The following MAGI2 variants were observed in gnomAD, a reference collection of about 807,000 sequenced individuals.
MAGI2 encodes the protein membrane associated guanylate kinase, WW and PDZ domain containing 2.
In MAGI2, 35 loss-of-function variants were observed where a neutral mutation model predicts 133.3. The ratio of observed to expected loss-of-function variants is 0.26; its 90% CI spans 0.20 to 0.35. MAGI2 has a LOEUF of 0.35. Ranked by LOEUF, MAGI2 falls within the 10% of genes least tolerant of loss-of-function variation. The probability of loss-of-function intolerance (pLI) is 1.00; values close to 1 mark genes in which losing one functional copy is unlikely to be tolerated. For missense variants in MAGI2, 1,636 were observed against 1,863.4 expected (o/e 0.88, Z 2.25); for synonymous variants, 729 against 710.6 (o/e 1.03, Z -0.41).
chr7:78,910,806 A>G (rs1457276669), intron 2 of MAGI2, among the ~76,000 whole-genome samples: 2 of 152,216 alleles, frequency 1.3e-5, no homozygotes, highest in Non-Finnish European at 1.5e-5. Context: ...GAAAGGTTCT[A>G]TTCTTGAGCA....
chr7:78,353,529 T>C (rs1275107622), intron 7 of MAGI2, among the ~76,000 whole-genome samples: 1 of 152,222 alleles, frequency 6.6e-6, no homozygotes, highest in Non-Finnish European at 1.5e-5. Flanking sequence ...TTACTCATTC[T>C]AGAAGTGGTC....
chr7:78,730,782 A>G (rs1438879311), intron 2 of MAGI2, among the ~76,000 whole-genome samples: 3 of 152,166 alleles, frequency 2.0e-5, no homozygotes, highest in Non-Finnish European at 4.4e-5. Flanking sequence ...ATATACTTAA[A>G]TATGCAGAAA....
chr7:78,754,819 C>T (rs1336245901), intron 2 of MAGI2, among the ~76,000 whole-genome samples: 2 of 152,206 alleles, frequency 1.3e-5, no homozygotes, highest in Non-Finnish European at 2.9e-5. Flanking sequence ...TCCTTCACCA[C>T]TTGCATCTTA....
At chr7:78,051,000 T>C (rs541052036) in intron 21 of MAGI2, among the ~76,000 whole-genome samples, 1 of 152,364 alleles carries the variant, frequency 6.6e-6, no homozygotes, top group African/African-American at 2.4e-5. Flanking sequence ...GCTAGTGGTC[T>C]CCTGGCAAAG....
At chr7:78,631,579 C>T (rs933547064) in intron 2 of MAGI2, among the ~76,000 whole-genome samples, 12 of 152,110 alleles carry the variant, frequency 7.9e-5, no homozygotes, top group African/African-American at 1.2e-4. Context: ...AAACAGAGAA[C>T]GCCATGGTTC....
chr7:79,149,921 A>G (rs1015979699), intron 1 of MAGI2, among the ~76,000 whole-genome samples: 1 of 152,218 alleles, frequency 6.6e-6, no homozygotes, highest in Admixed American at 6.5e-5. Context: ...AATTCCAGAA[A>G]CATTCTTTTC....
chr7:78,312,501 A>C (rs539309238), intron 9 of MAGI2, among the ~76,000 whole-genome samples: 1 of 152,246 alleles, frequency 6.6e-6, no homozygotes, highest in Non-Finnish European at 1.5e-5. Flanking sequence ...AATATCCAGA[A>C]TCTACAAGGA....
intron 2 of MAGI2, among the ~76,000 whole-genome samples, chr7:78,725,948 T>C (rs1263272203): frequency 6.6e-6 from 1 of 152,200 alleles, no homozygotes; most frequent in Non-Finnish European, 1.5e-5. Flanking sequence ...TAGTATTTTG[T>C]CATTGTCTTT....
chr7:79,037,531 A>G (rs891240481), intron 1 of MAGI2, among the ~76,000 whole-genome samples: 1 of 152,128 alleles, frequency 6.6e-6, no homozygotes, highest in Non-Finnish European at 1.5e-5. Context: ...TTTGGGAAGA[A>G]TTTTATGCTT....
chr7:78,367,012 C>T (rs1413735472), intron 7 of MAGI2, among the ~76,000 whole-genome samples: 1 of 151,760 alleles, frequency 6.6e-6, no homozygotes, highest in African/African-American at 2.4e-5. Flanking sequence ...GAACACATGA[C>T]TGACTACATT....
intron 3 of MAGI2, among the ~76,000 whole-genome samples, chr7:78,603,388 G>A (rs1805421637): frequency 6.6e-6 from 1 of 152,150 alleles, no homozygotes; most frequent in Admixed American, 6.5e-5. Flanking sequence ...CGTTTTCTAG[G>A]CTGGTAGCTC....
intron 10 of MAGI2, among the ~76,000 whole-genome samples, chr7:78,224,244 C>A (rs1332594601): frequency 6.6e-6 from 1 of 152,020 alleles, no homozygotes; most frequent in Non-Finnish European, 1.5e-5. Flanking sequence ...ATTTTATTTT[C>A]TTTAGGATGA....
intron 2 of MAGI2, among the ~76,000 whole-genome samples, chr7:78,990,737 G>C (rs1407722442): frequency 6.6e-6 from 1 of 151,884 alleles, no homozygotes; most frequent in Non-Finnish European, 1.5e-5. Context: ...ATAAATAAAA[G>C]CATATATTTG....
intron 1 of MAGI2, among the ~76,000 whole-genome samples, chr7:79,202,044 T>C (rs77985515): frequency 0.013 from 1,906 of 152,144 alleles, 68 homozygotes; most frequent in African/African-American, 0.044. Flanking sequence ...ACTGGTATTG[T>C]ATAGAAAATA....
chr7:78,240,895 CAT>C (rs60919525), intron 10 of MAGI2, among the ~76,000 whole-genome samples: 25,660 of 151,938 alleles, frequency 0.17, 2,919 homozygotes, highest in East Asian at 0.33. Flanking sequence ...ACAATAAACA[CAT>C]ATAATTTTAT....
intron 20 of MAGI2, among the ~76,000 whole-genome samples, chr7:78,096,234 G>C (rs759368858): frequency 4.6e-5 from 7 of 152,194 alleles, no homozygotes; most frequent in Non-Finnish European, 1.0e-4. Context: ...GGCTTTGGTG[G>C]AATCAGGAGT....
At chr7:79,294,787 G>T (rs13230407) in intron 1 of MAGI2, among the ~76,000 whole-genome samples, 61,423 of 134,996 alleles carry the variant, frequency 0.45, 15,440 homozygotes, top group African/African-American at 0.7. Context: ...TGGAGTGCAG[G>T]GGCGCAATCT....
intron 10 of MAGI2, among the ~76,000 whole-genome samples, chr7:78,220,403 T>C (rs905434786): frequency 9.2e-5 from 14 of 152,170 alleles, no homozygotes; most frequent in Non-Finnish European, 1.5e-5. Context: ...GGACACTTCA[T>C]TGTTATGTGC....
intron 6 of MAGI2, among the ~76,000 whole-genome samples, chr7:78,428,970 T>C (rs1323078386): frequency 6.6e-6 from 1 of 152,194 alleles, no homozygotes; most frequent in Non-Finnish European, 1.5e-5. Context: ...ATGGCAGATA[T>C]AATGCTGTGT....
Sources: allele counts gnomAD v4.1 joint callset (sites outside exome capture counted in the v4.1 genomes callset), GRCh38; gene constraint gnomAD v4.1.1; transcripts MANE v1.5; gene names NCBI Gene and HGNC (gene_info 2026-07-23, HGNC 2026-07-21).